The following MSRB3 variants were observed in gnomAD, a reference collection of about 807,000 sequenced individuals.
The protein encoded by MSRB3 is methionine sulfoxide reductase B3, also known as methionine-R-sulfoxide reductase B3.
MSRB3 carries 13 observed loss-of-function variants against 21.0 expected under a neutral mutation model. The ratio of observed to expected loss-of-function variants is 0.62; its 90% confidence interval spans 0.40 to 0.98. MSRB3 has a LOEUF of 0.98. Ranked by LOEUF, MSRB3 falls within the 50% of genes least tolerant of loss-of-function variation. The pLI is 0.00. For missense variants in MSRB3, 199 were observed against 230.3 expected (o/e 0.86, Z 0.88); for synonymous variants, 87 against 88.6 (o/e 0.98, Z 0.10).
chr12:65,404,362 C>T (rs1393069381), intron 5 of MSRB3, among the ~76,000 whole-genome samples: 1 of 152,172 alleles, frequency 6.6e-6, no homozygotes, highest in African/African-American at 2.4e-5. Flanking sequence ...CAGAATATTC[C>T]CAAATATTTC....
intron 1 of MSRB3, among the ~76,000 whole-genome samples, chr12:65,296,640 C>G (rs1009553840): frequency 6.6e-6 from 1 of 152,166 alleles, no homozygotes; most frequent in Non-Finnish European, 1.5e-5. Context: ...GACAGCAATA[C>G]AGGATACCCT....
At position 65,332,575 on chromosome 12, in the gene MSRB3, T is replaced by A. The variant is rs12300779; in HGVS notation, c.263+3972T>A. ...GGGTGCAGCACACCAACATGGCACA[T>A]GTATACATATGTAACAAACCTGCAC... On this transcript the variant is annotated intron_variant, in intron 4 of 6. Coordinates refer to ENST00000308259, the MANE Select transcript of MSRB3 (RefSeq NM_001031679.3). Among the ~76,000 whole-genome samples the A allele has an allele frequency of 8.1e-3, 1,234 of 152,280 alleles. 19 individuals carry two copies. Among genetic ancestry groups the A allele is most frequent in the African/African-American group, 0.029 (1,189 of 41,544 alleles).
intron 5 of MSRB3, among the ~76,000 whole-genome samples, chr12:65,400,498 C>T (rs544173469): frequency 5.1e-4 from 77 of 152,158 alleles, no homozygotes; most frequent in Middle Eastern, 6.8e-3. Flanking sequence ...ATTCTTCTCC[C>T]TTTTCTTCTT....
At chr12:65,362,875 G>A (rs1385637957) in intron 4 of MSRB3, among the ~76,000 whole-genome samples, 1 of 152,126 alleles carries the variant, frequency 6.6e-6, no homozygotes, top group Admixed American at 6.6e-5. Context: ...TCACTGGTCG[G>A]TGAAGGCCTT....
intron 2 of MSRB3, among the ~76,000 whole-genome samples, chr12:65,309,180 A>G (rs1232008886): frequency 6.6e-6 from 1 of 152,228 alleles, no homozygotes; most frequent in East Asian, 1.9e-4. Flanking sequence ...AGCATGCATC[A>G]GTGGGTTCTT....
At chr12:65,406,422 C>T (rs917971690) in intron 5 of MSRB3, among the ~76,000 whole-genome samples, 5 of 152,114 alleles carry the variant, frequency 3.3e-5, no homozygotes, top group Admixed American at 1.3e-4. Flanking sequence ...AACTATAAAA[C>T]GTTCATGAAA....
chr12:65,465,154 C>T lies in MSRB3; in HGVS notation c.*1832C>T, dbSNP rs1048968817. On this transcript the variant is annotated 3_prime_UTR_variant, in exon 7 of 7. Transcript: ENST00000308259. Reference sequence around the variant, plus strand: ...GCCAGAATTTCCCTTTGTAGCAACACGGCTAGTTTTACTTTGAGAAGCTCT... The same window carrying T: ...GCCAGAATTTCCCTTTGTAGCAACATGGCTAGTTTTACTTTGAGAAGCTCT... 5.3e-5 allele frequency: 8 copies of T among 152,310 alleles called. No homozygotes were observed. Among genetic ancestry groups the T allele is most frequent in the South Asian group, 2.1e-4 (1 of 4,822 alleles). The allele number at this position is 152,310 out of a possible 1,614,324, so 9.4% of individuals were successfully genotyped here. A position where few individuals can be genotyped will look rare whatever the true frequency, so the allele number is the denominator to read the frequency against.
intron 5 of MSRB3, among the ~76,000 whole-genome samples, chr12:65,387,064 A>G (rs1879229607): frequency 6.6e-6 from 1 of 152,096 alleles, no homozygotes; most frequent in Admixed American, 6.5e-5. Flanking sequence ...CTAATGGGTG[A>G]CAGGATTACA....
At chr12:65,426,214 T>C (rs903826349) in intron 5 of MSRB3, among the ~76,000 whole-genome samples, 1 of 152,170 alleles carries the variant, frequency 6.6e-6, no homozygotes, top group African/African-American at 2.4e-5. Flanking sequence ...TTAAAGTATT[T>C]CCTTTAACAT....
chr12:65,338,521 A>G (rs10878261), intron 4 of MSRB3, among the ~76,000 whole-genome samples: 38,666 of 152,156 alleles, frequency 0.25, 6,157 homozygotes, highest in Non-Finnish European at 0.37. Flanking sequence ...GACGACGTCT[A>G]TGGCTAGGAC....
chr12:65,304,929 G>A (rs967090868), intron 1 of MSRB3, among the ~76,000 whole-genome samples: 1 of 152,186 alleles, frequency 6.6e-6, no homozygotes, highest in African/African-American at 2.4e-5. Context: ...GATTGTGAAG[G>A]TATTTCCAAA....
chr12:65,355,999 T>TAG lies in MSRB3; in HGVS notation c.264-12999_264-12998insAG, dbSNP rs1273092483. Among the ~76,000 whole-genome samples, 3 of 152,052 alleles carry TAG rather than the reference T, an allele frequency of 2.0e-5. 1 individual carries two copies. Among genetic ancestry groups the TAG allele is most frequent in the African/African-American group, 7.2e-5 (3 of 41,526 alleles). On this transcript the variant is annotated intron_variant, in intron 4 of 6. Coordinates refer to ENST00000308259, the MANE Select transcript of MSRB3 (RefSeq NM_001031679.3). Reference sequence around the variant, plus strand: ...ATAGTGAGCACTCCATAAATGCTCTTGACTGACTATGACTTAATGAATGTT... The same window carrying TAG: ...ATAGTGAGCACTCCATAAATGCTCTTAGGACTGACTATGACTTAATGAATGTT...
intron 3 of MSRB3, 90 bp from the exon 4 acceptor site, chr12:65,328,432 TGAAA>T (rs779194744): frequency 6.7e-6 from 6 of 890,892 alleles, no homozygotes; most frequent in Non-Finnish European, 1.1e-5. Context: ...AAAAAGCCCT[TGAAA>T]GATTTATTAG....
chr12:65,300,657 G>A (rs1023565746), intron 1 of MSRB3, among the ~76,000 whole-genome samples: 1 of 152,142 alleles, frequency 6.6e-6, no homozygotes, highest in Non-Finnish European at 1.5e-5. Flanking sequence ...GGAACAAATA[G>A]CCCCCAAATC....
chr12:65,279,051 TG>T, intron 1 of MSRB3, 186 bp downstream of exon 1: 1 of 1,423,518 alleles, frequency 7.0e-7, no homozygotes, highest in Non-Finnish European at 9.1e-7. Context: ...GCGCCAGCGG[TG>T]AGGGGCCGAA....
At chr12:65,281,161 C>T (rs1299609388) in intron 1 of MSRB3, among the ~76,000 whole-genome samples, 1 of 152,132 alleles carries the variant, frequency 6.6e-6, no homozygotes, top group Non-Finnish European at 1.5e-5. Context: ...CCAGGGAGAT[C>T]GAGGCTGTGG....
intron 5 of MSRB3, among the ~76,000 whole-genome samples, chr12:65,385,798 C>T (rs966740604): frequency 6.6e-6 from 1 of 151,790 alleles, no homozygotes; most frequent in African/African-American, 2.4e-5. Context: ...TTTATTATGC[C>T]TCCTTGTGGT....
At chr12:65,401,376 G>A (rs1312811573) in intron 5 of MSRB3, among the ~76,000 whole-genome samples, 1 of 152,118 alleles carries the variant, frequency 6.6e-6, no homozygotes, top group Non-Finnish European at 1.5e-5. Flanking sequence ...GCCCTTCTAT[G>A]TATCTTTCGA....
chr12:65,440,912 C>A (rs953855264), intron 5 of MSRB3, among the ~76,000 whole-genome samples: 1 of 151,914 alleles, frequency 6.6e-6, no homozygotes, highest in African/African-American at 2.4e-5. Context: ...GGAGCTATAT[C>A]TTTTGCCTGT....
Sources: allele counts gnomAD v4.1 joint callset (sites outside exome capture counted in the v4.1 genomes callset), GRCh38; gene constraint gnomAD v4.1.1; transcripts MANE v1.5; gene names NCBI Gene and HGNC (gene_info 2026-07-23, HGNC 2026-07-21).